The following TTLL6 variants were observed in gnomAD, a reference collection of about 807,000 sequenced individuals.
TTLL6 encodes the protein tubulin tyrosine ligase like 6.
Under a neutral mutation model 96.4 loss-of-function variants are expected in TTLL6, and 75 were observed. That is an observed-to-expected ratio of 0.78 (90% CI 0.65 to 0.94). The LOEUF is 0.94. TTLL6 is among the 40% of genes least tolerant of loss of function. The pLI is 0.00. For synonymous variants in TTLL6, 411 were observed against 419.4 expected (o/e 0.98, Z 0.24); for missense variants, 1,030 against 1,093.0 (o/e 0.94, Z 0.81).
intron 15 of TTLL6, among the ~76,000 whole-genome samples, chr17:48,768,676 G>A (rs1430542563): frequency 6.6e-6 from 1 of 152,030 alleles, no homozygotes; most frequent in Non-Finnish European, 1.5e-5. Flanking sequence ...AAGTAGCTGG[G>A]ACCACAGGCA....
chr17:48,794,415 G>A, intron 8 of TTLL6: 1 of 1,438,816 alleles, frequency 7.0e-7, no homozygotes, highest in Non-Finnish European at 9.2e-7. Flanking sequence ...GGCAGGGCAG[G>A]GCAGGGAGTC....
chr17:48,770,423 C>T (rs2038716772), intron 13 of TTLL6, among the ~76,000 whole-genome samples: 1 of 152,092 alleles, frequency 6.6e-6, no homozygotes, highest in African/African-American at 2.4e-5. Flanking sequence ...GGAGACTCTA[C>T]AGCCTCCTCT....
chr17:48,781,714 GC>G (rs1193072207), intron 13 of TTLL6, among the ~76,000 whole-genome samples: 1 of 152,198 alleles, frequency 6.6e-6, no homozygotes, highest in African/African-American at 2.4e-5. Context: ...TGGTGTGAAT[GC>G]TGATGTCCCC....
At chr17:48,802,610 C>T (rs951054637) in intron 3 of TTLL6, among the ~76,000 whole-genome samples, 1 of 152,254 alleles carries the variant, frequency 6.6e-6, no homozygotes, top group Non-Finnish European at 1.5e-5. Flanking sequence ...GCGGCTCACG[C>T]CTGTAATCCC....
At chr17:48,772,537 C>A in intron 13 of TTLL6, among the ~76,000 whole-genome samples, 1 of 151,966 alleles carries the variant, frequency 6.6e-6, no homozygotes, top group Non-Finnish European at 1.5e-5. Context: ...CGAGACCATC[C>A]TGGCCAACAT....
intron 8 of TTLL6, among the ~76,000 whole-genome samples, chr17:48,793,985 C>T (rs916556571): frequency 7.9e-5 from 12 of 152,094 alleles, no homozygotes; most frequent in African/African-American, 2.9e-4. Flanking sequence ...CTGGGAAATG[C>T]TGAGTTGAAG....
Position 48,779,108 on chromosome 17 carries a change from GA to G in TTLL6, c.2040+5814del, listed in dbSNP as rs201142124. ...AGAGTGAGGCTCTGTCTCAGAGGGG[GA>G]AAAAAAGGGAGGGGATGAAAACTTG... On this transcript the variant is annotated intron_variant, in intron 13 of 15. Coordinates refer to ENST00000393382, the MANE Select transcript of TTLL6 (RefSeq NM_001130918.3). Among the ~76,000 whole-genome samples the G allele has an allele frequency of 1.1e-3, 165 of 151,330 alleles. 3 individuals are homozygous for G. In the East Asian group the frequency reaches 0.024, roughly 22 times the overall value.
chr17:48,766,493 C>T (rs2038608929), intron 15 of TTLL6, among the ~76,000 whole-genome samples: 1 of 152,192 alleles, frequency 6.6e-6, no homozygotes, highest in Non-Finnish European at 1.5e-5. Flanking sequence ...CGTGTGGCTT[C>T]TGATCATTAT....
intron 13 of TTLL6, among the ~76,000 whole-genome samples, chr17:48,770,893 G>C (rs2038729564): frequency 1.3e-5 from 2 of 151,938 alleles, no homozygotes; most frequent in Non-Finnish European, 2.9e-5. Flanking sequence ...CCTCCAGCCT[G>C]GGTGACAAGA....
chr17:48,806,457 T>C (rs1165286583), intron 1 of TTLL6, among the ~76,000 whole-genome samples: 1 of 152,078 alleles, frequency 6.6e-6, no homozygotes, highest in African/African-American at 2.4e-5. Context: ...TTTCTGGTGC[T>C]TTCCCTTCCT....
In TTLL6 at chr17:48,808,374, A is replaced by ATGTGTGTGTG. The variant is rs149038470; in HGVS notation, c.104-3393_104-3384dup. ...GCAAATTACATCGCTTCTCATATGT[A>ATGTGTGTGTG]TGTGTGTGTGTGTGTGTGTGTGTGC... On this transcript the variant is annotated intron_variant, in intron 1 of 15. Transcript: ENST00000393382. Among the ~76,000 whole-genome samples, 1,039 of 148,694 alleles carry ATGTGTGTGTG rather than the reference A, an allele frequency of 7.0e-3. 19 individuals carry two copies. Among genetic ancestry groups the ATGTGTGTGTG allele is most frequent in the South Asian group, 0.052 (241 of 4,676 alleles).
At chr17:48,787,688 G>T in intron 11 of TTLL6, 123 bp downstream of exon 11, 1 of 944,984 alleles carries the variant, frequency 1.1e-6, no homozygotes, top group Non-Finnish European at 1.6e-6. Context: ...GAGCCACGGC[G>T]CCTGGTTGCT....
At chr17:48,771,500 T>C (rs1597960662) in intron 13 of TTLL6, among the ~76,000 whole-genome samples, 2 of 152,088 alleles carry the variant, frequency 1.3e-5, no homozygotes, top group East Asian at 3.9e-4. Flanking sequence ...AGCATGGTGG[T>C]GCACACCTGT....
rs763507031 is a variant in TTLL6, at chr17:48,769,729, T to A, written c.2409A>T (p.Ser803=). ...YNPKLGMNNL[S]QNPSLPGECH... ...ATCCCTGTACACACTGGCACTCACG[T>A]GACAGGTTATTCATCCCCAGCTTGG... is the stretch of plus-strand genomic sequence containing the variant. Residue 803 remains serine (S), a splice_region_variant and synonymous_variant, in exon 14 of 16, where the codon TCA becomes TCT. Transcript: ENST00000393382. 6.2e-7 allele frequency: 1 copy of A among 1,613,402 alleles called. No homozygotes were observed. The highest frequency in any genetic ancestry group is 8.5e-7 in the Non-Finnish European group (1 of 1,179,682).
At chr17:48,800,508 T>A (rs1279876471) in intron 5 of TTLL6, among the ~76,000 whole-genome samples, 5 of 152,142 alleles carry the variant, frequency 3.3e-5, no homozygotes, top group African/African-American at 1.2e-4. Context: ...CAAATACATT[T>A]CCTTCTAATT....
At chr17:48,765,562 G>A (rs938064054) in intron 15 of TTLL6, 17 of 152,108 alleles carry the variant, frequency 1.1e-4, no homozygotes, top group African/African-American at 4.1e-4. Flanking sequence ...TTAGAGATGG[G>A]GTCTTGCTAT....
chr17:48,764,668 G>C (rs1406082771), intron 15 of TTLL6, among the ~76,000 whole-genome samples: 1 of 152,096 alleles, frequency 6.6e-6, no homozygotes, highest in Non-Finnish European at 1.5e-5. Flanking sequence ...ACCACATTCT[G>C]CTCCGTCTGC....
chr17:48,773,651 G>A (rs1191988417), intron 13 of TTLL6, among the ~76,000 whole-genome samples: 3 of 152,106 alleles, frequency 2.0e-5, no homozygotes, highest in Admixed American at 6.6e-5. Context: ...AGCCCAGGAA[G>A]ATTGAGGTTG....
At chr17:48,796,281 C>G in intron 7 of TTLL6, 135 bp from the exon 8 acceptor site, 1 of 618,240 alleles carries the variant, frequency 1.6e-6, no homozygotes, top group South Asian at 2.2e-5. Flanking sequence ...TTTAGTGTGG[C>G]AAAATACAGG....
Sources: gnomAD v4.1 joint callset for allele counts (sites outside exome capture counted in the v4.1 genomes callset) on GRCh38, gnomAD v4.1.1 for gene constraint, MANE v1.5 for transcripts, NCBI Gene and HGNC (gene_info 2026-07-23, HGNC 2026-07-21) for gene names.